The following NLGN1 variants were observed in gnomAD, a reference collection of about 807,000 sequenced individuals.
The protein encoded by NLGN1 is neuroligin 1, also known as neuroligin-1.
In NLGN1, 12 loss-of-function variants were observed where a neutral mutation model predicts 65.5. That is an observed-to-expected ratio of 0.18 (90% CI 0.12 to 0.30). The LOEUF (loss-of-function observed/expected upper bound fraction) is 0.30, where lower values mean the gene tolerates loss of function less well. NLGN1 is among the 10% of genes least tolerant of loss of function. NLGN1 has a pLI of 1.00. For missense variants in NLGN1, 750 were observed against 1,007.1 expected (o/e 0.74, Z 3.46); for synonymous variants, 350 against 359.5 (o/e 0.97, Z 0.30).
chr3:173,446,009 C>G (rs573635674), intron 2 of NLGN1, among the ~76,000 whole-genome samples: 1 of 152,128 alleles, frequency 6.6e-6, no homozygotes, highest in South Asian at 2.1e-4. Flanking sequence ...AAAATAAAAG[C>G]TATCAGATGC....
At chr3:173,510,934 T>A (rs1013840761) in intron 2 of NLGN1, among the ~76,000 whole-genome samples, 2 of 152,228 alleles carry the variant, frequency 1.3e-5, no homozygotes, top group Non-Finnish European at 2.9e-5. Context: ...AAGGTTTTCC[T>A]TTTACTCATA....
intron 1 of NLGN1, among the ~76,000 whole-genome samples, chr3:173,418,771 A>G (rs1372422960): frequency 1.3e-5 from 2 of 152,124 alleles, no homozygotes; most frequent in East Asian, 3.8e-4. Context: ...TGTACATATT[A>G]ACCCATATGT....
Position 174,280,547 on chromosome 3 carries a change from A to C in NLGN1, c.1716A>C (p.Glu572Asp), listed in dbSNP as rs1025946144. The stretch of plus-strand genomic sequence containing the variant: ...ATACCAAACCCAACCGTTTTGAAGA[A>C]GTAGCATGGACCAGATATTCCCAGA... The change falls in exon 7 of 7, where the codon GAA becomes GAC. Residue 572 changes from glutamate (E) to aspartate (D), a missense_variant. Coordinates refer to ENST00000457714, the Ensembl canonical transcript of NLGN1. This position sits in a 1 kb window ranked among gnomAD's most constrained non-coding sequence, Gnocchi z 4.9. 1 of 1,613,180 alleles carries C rather than the reference A, an allele frequency of 6.2e-7. No homozygotes were observed. Among genetic ancestry groups the C allele is most frequent in the Admixed American group, 1.7e-5 (1 of 59,904 alleles).
intron 2 of NLGN1, among the ~76,000 whole-genome samples, chr3:173,564,610 G>T (rs1285191988): frequency 6.6e-6 from 1 of 152,176 alleles, no homozygotes; most frequent in East Asian, 1.9e-4. Context: ...TCAACTCTGA[G>T]CTCCTGAGGA....
At chr3:173,954,091 A>G (rs922231011) in intron 4 of NLGN1, among the ~76,000 whole-genome samples, 1 of 152,224 alleles carries the variant, frequency 6.6e-6, no homozygotes, top group Admixed American at 6.5e-5. Flanking sequence ...AAAATCAGTA[A>G]AAATGTAAAA....
chr3:173,412,486 A>T (rs1197175710), intron 1 of NLGN1, among the ~76,000 whole-genome samples: 1 of 152,272 alleles, frequency 6.6e-6, no homozygotes, highest in Non-Finnish European at 1.5e-5. Flanking sequence ...GAATGTATTT[A>T]TCTTTATTAG....
At chr3:174,178,313 A>C (rs1729807178) in intron 4 of NLGN1, among the ~76,000 whole-genome samples, 2 of 152,100 alleles carry the variant, frequency 1.3e-5, no homozygotes, top group Non-Finnish European at 2.9e-5. Flanking sequence ...TATTCAATAG[A>C]CCTGTTCCAA....
chr3:173,890,771 C>T (rs933448559), intron 4 of NLGN1, among the ~76,000 whole-genome samples: 1 of 152,160 alleles, frequency 6.6e-6, no homozygotes, highest in Non-Finnish European at 1.5e-5. Context: ...AATCCGAGAG[C>T]TCCTTCACAC....
chr3:173,803,893 A>G (rs576720087), intron 3 of NLGN1, among the ~76,000 whole-genome samples: 13 of 152,322 alleles, frequency 8.5e-5, no homozygotes, highest in African/African-American at 2.9e-4. Flanking sequence ...TAATTCTAAA[A>G]ACTCTAAAAT....
chr3:174,169,313 A>C (rs1013865937), intron 4 of NLGN1, among the ~76,000 whole-genome samples: 3 of 152,138 alleles, frequency 2.0e-5, no homozygotes, highest in Middle Eastern at 3.4e-3. Flanking sequence ...ATCAGAGAGG[A>C]CCTTGATGCA....
intron 4 of NLGN1, among the ~76,000 whole-genome samples, chr3:173,825,472 A>G (rs924024836): frequency 6.6e-6 from 1 of 152,168 alleles, no homozygotes; most frequent in East Asian, 1.9e-4. Context: ...AGTGATTAAT[A>G]TTAGTAAGAT....
chr3:173,554,446 G>A (rs1220672492), intron 2 of NLGN1, among the ~76,000 whole-genome samples: 1 of 152,006 alleles, frequency 6.6e-6, no homozygotes, highest in African/African-American at 2.4e-5. Flanking sequence ...ATCATCCCCC[G>A]AAGTTCCTCC....
intron 4 of NLGN1, among the ~76,000 whole-genome samples, chr3:174,059,628 A>G (rs1273415380): frequency 6.6e-6 from 1 of 152,144 alleles, no homozygotes; most frequent in African/African-American, 2.4e-5. Flanking sequence ...ATGATTTCTC[A>G]TAATATTTGA....
At chr3:173,720,609 G>T (rs1770678502) in intron 3 of NLGN1, among the ~76,000 whole-genome samples, 1 of 152,152 alleles carries the variant, frequency 6.6e-6, no homozygotes, top group South Asian at 2.1e-4. Flanking sequence ...ATTAGTAAGT[G>T]AATTCCACTG....
intron 4 of NLGN1, among the ~76,000 whole-genome samples, chr3:173,891,429 A>G (rs1735311387): frequency 6.6e-6 from 1 of 152,198 alleles, no homozygotes; most frequent in Non-Finnish European, 1.5e-5. Flanking sequence ...AAGCCTCTTC[A>G]CAGTACTGCA....
At chr3:174,287,941 T>C (rs1752312845), downstream of NLGN1, among the ~76,000 whole-genome samples, 1 of 151,518 alleles carries the variant, frequency 6.6e-6, no homozygotes, top group Non-Finnish European at 1.5e-5. Flanking sequence ...TGAAAGAAAT[T>C]AGTCATTTCT....
intron 4 of NLGN1, among the ~76,000 whole-genome samples, chr3:173,974,078 A>C (rs545280430): frequency 2.6e-5 from 4 of 152,144 alleles, no homozygotes; most frequent in Non-Finnish European, 5.9e-5. Flanking sequence ...CTTGAAATCT[A>C]CAACGTAGCC....
intron 3 of NLGN1, among the ~76,000 whole-genome samples, chr3:173,695,235 C>T (rs1165925782): frequency 6.6e-6 from 1 of 152,150 alleles, no homozygotes; most frequent in South Asian, 2.1e-4. Flanking sequence ...ACTTTGAAGA[C>T]ATGATTCTGT....
intron 4 of NLGN1, among the ~76,000 whole-genome samples, chr3:173,885,996 G>GCTA (rs1451263283): frequency 1.3e-5 from 2 of 152,064 alleles, no homozygotes; most frequent in East Asian, 3.9e-4. Flanking sequence ...CATGAAGAAA[G>GCTA]TTATAGGGAT....
Sources: allele counts gnomAD v4.1 joint callset (sites outside exome capture counted in the v4.1 genomes callset), GRCh38; gene constraint gnomAD v4.1.1; non-coding constraint Gnocchi (gnomAD v3.1); transcripts MANE v1.5; gene names NCBI Gene and HGNC (gene_info 2026-07-23, HGNC 2026-07-21).